OIP5: variants seen among roughly 807,000 people sequenced by gnomAD.
OIP5 encodes Opa interacting protein 5.
A neutral mutation model predicts 20.3 loss-of-function variants in OIP5; 24 were observed. That is an observed-to-expected ratio of 1.18 (90% confidence interval 0.86 to 1.66). OIP5 has a LOEUF of 1.66. Ranked by LOEUF, OIP5 falls within the 40% of genes most tolerant of loss-of-function variation. The pLI is 0.00. For missense variants in OIP5, 339 were observed against 289.5 expected (o/e 1.17, Z -1.24); for synonymous variants, 143 against 121.3 (o/e 1.18, Z -1.17).
Position 41,332,433 on chromosome 15 carries a change from C to T in OIP5, c.129G>A (p.Val43=). 3 of 1,614,106 alleles carry T rather than the reference C, an allele frequency of 1.9e-6. No individual in the cohort carries two copies. Among genetic ancestry groups the T allele is most frequent in the Non-Finnish European group, 2.5e-6 (3 of 1,179,944 alleles). ...FTTSMEWDTQ[V]VKGSSPLGPA... is the part of the protein sequence containing the mutation. ...GGCCGAGCGGCGAGGACCCCTTCAC[C>T]ACCTGCGTATCCCACTCCATGGAGG... Residue 43 remains valine (V), a synonymous_variant, in exon 1 of 5, where the codon GTG becomes GTA. Transcript: ENST00000220514.
rs1415988732 is a variant in OIP5 at position 41,332,220 on chromosome 15, G to C, written c.322+20C>G. ...TCTCGGGCTAGCCTCTGCCTTTCCC[G>C]AACGCTTCACTGCACTCACTGGAGA... On this transcript the variant is annotated intron_variant, in intron 1 of 4. Coordinates refer to ENST00000220514, the MANE Select transcript of OIP5 (RefSeq NM_007280.2). 1.3e-6 allele frequency: 2 copies of C among 1,528,258 alleles called. No individual in the cohort carries two copies. The highest frequency in any genetic ancestry group is 2.3e-5 in the East Asian group (1 of 44,194). 94.7% of individuals were successfully genotyped at this position (1,528,258 alleles called of 1,614,324 possible).
At chr15:41,332,120 T>C (rs963626513) in intron 1 of OIP5, 120 bp downstream of exon 1, 12 of 1,359,656 alleles carry the variant, frequency 8.8e-6, no homozygotes, top group Admixed American at 6.0e-5. Flanking sequence ...CAAGGAGTTA[T>C]TTGCTTCCAA....
intron 4 of OIP5, among the ~76,000 whole-genome samples, chr15:41,311,670 C>T (rs1470053246): frequency 3.3e-5 from 5 of 152,026 alleles, no homozygotes; most frequent in Non-Finnish European, 5.9e-5. Context: ...CAGGTCCAAG[C>T]GATTCTCCTG....
chr15:41,327,767 T>A lies in OIP5; in HGVS notation c.389+4148A>T, dbSNP rs529394649. Among the ~76,000 whole-genome samples the A allele has an allele frequency of 2.0e-5, 3 of 151,736 alleles. No individual in the cohort carries two copies. In the South Asian group the frequency reaches 6.2e-4, roughly 31 times the overall value. On this transcript the variant is annotated intron_variant, in intron 2 of 4. Coordinates refer to ENST00000220514, the MANE Select transcript of OIP5 (RefSeq NM_007280.2). Reference sequence around the variant, plus strand: ...CCTGCCACTGCACTTCAGCCTGGGCTACAGAGCAAGACTCCATCTCAAAAA... The same window carrying A: ...CCTGCCACTGCACTTCAGCCTGGGCAACAGAGCAAGACTCCATCTCAAAAA...
At chr15:41,311,119 G>A (rs2140457319) in intron 4 of OIP5, among the ~76,000 whole-genome samples, 1 of 152,280 alleles carries the variant, frequency 6.6e-6, no homozygotes, top group East Asian at 1.9e-4. Flanking sequence ...TGTAATCCCA[G>A]CAGTTTGGTA....
intron 2 of OIP5, among the ~76,000 whole-genome samples, chr15:41,331,496 G>A (rs2047912151): frequency 6.6e-6 from 1 of 152,190 alleles, no homozygotes; most frequent in African/African-American, 2.4e-5. Flanking sequence ...AGGTTGGGAG[G>A]ATAGCTTGAG....
chr15:41,329,825 C>A (rs1366082144), intron 2 of OIP5, among the ~76,000 whole-genome samples: 2 of 151,868 alleles, frequency 1.3e-5, no homozygotes, highest in Non-Finnish European at 2.9e-5. Flanking sequence ...CTCAGTCTCC[C>A]AAGTAGCTGG....
Position 41,313,688 on chromosome 15 carries a change from C to T in OIP5, c.513-334G>A, listed in dbSNP as rs28428492. Among the ~76,000 whole-genome samples the T allele has an allele frequency of 1.7e-3, 265 of 152,072 alleles. 2 individuals are homozygous for T. Among genetic ancestry groups the T allele is most frequent in the African/African-American group, 5.9e-3 (246 of 41,472 alleles). On this transcript the variant is annotated intron_variant, in intron 3 of 4. Transcript: ENST00000220514. ...TGTAATGTACATAGCATTTACATTA[C>T]GTTAGCTGTCATAAGTAATCTGGAG...
chr15:41,315,151 G>A lies in OIP5; in HGVS notation c.513-1797C>T, dbSNP rs985076086. 9.9e-5 allele frequency among the ~76,000 whole-genome samples: 15 copies of A among 151,482 alleles called. No homozygotes were observed. The East Asian group carries it at 2.5e-3, about 26-fold the overall frequency. ...AAAGATTAAGAAAATTTATGCTGGCGGGGCGCAGTGGCTTATGCGTGTAAT... is the reference window on the plus strand; with the variant it reads ...AAAGATTAAGAAAATTTATGCTGGCAGGGCGCAGTGGCTTATGCGTGTAAT... On this transcript the variant is annotated intron_variant, in intron 3 of 4. Transcript: ENST00000220514.
chr15:41,313,812 G>A (rs905548113), intron 3 of OIP5, among the ~76,000 whole-genome samples: 1 of 152,034 alleles, frequency 6.6e-6, no homozygotes, highest in Admixed American at 6.6e-5. Context: ...AGAAACTTGA[G>A]TGTCCATGGA....
At chr15:41,325,279 C>T (rs888429038) in intron 2 of OIP5, among the ~76,000 whole-genome samples, 4 of 151,882 alleles carry the variant, frequency 2.6e-5, no homozygotes, top group East Asian at 1.9e-4. Flanking sequence ...GTGGCGGGCC[C>T]CTGTAAGTCC....
Position 41,331,881 on chromosome 15 carries a change from GGGACTAGAGACCAA to G in OIP5, c.389+20_389+33del, listed in dbSNP as rs1567030026. The G allele has an allele frequency of 6.4e-7, 1 of 1,568,382 alleles. No homozygotes were observed. Among genetic ancestry groups the G allele is most frequent in the Non-Finnish European group, 8.8e-7 (1 of 1,138,452 alleles). On this transcript the variant is annotated intron_variant, in intron 2 of 4. Coordinates refer to ENST00000220514, the MANE Select transcript of OIP5 (RefSeq NM_007280.2). The stretch of plus-strand genomic sequence containing the variant: ...CACGATCCTCAGTCTCATAAAGTCA[GGGACTAGAGACCAA>G]TGTAATTATCAATACGTACCTGCCT...
intron 3 of OIP5, among the ~76,000 whole-genome samples, chr15:41,319,428 G>A (rs562601556): frequency 1.6e-4 from 24 of 151,794 alleles, no homozygotes; most frequent in African/African-American, 5.8e-4. Context: ...GCTAATTTTT[G>A]TATTTTTCGT....
At chr15:41,324,532 C>G (rs1392149954) in intron 2 of OIP5, among the ~76,000 whole-genome samples, 1 of 152,030 alleles carries the variant, frequency 6.6e-6, no homozygotes, top group Non-Finnish European at 1.5e-5. Context: ...TCTTGTTGCC[C>G]AAGGTGGAGT....
intron 1 of OIP5, 56 bp downstream of exon 1, chr15:41,332,184 C>A (rs1342924167): frequency 6.6e-7 from 1 of 1,506,888 alleles, no homozygotes; most frequent in Non-Finnish European, 8.9e-7. Context: ...GTGGAGAAAG[C>A]GGGAACACCC....
intron 2 of OIP5, among the ~76,000 whole-genome samples, chr15:41,321,094 C>A (rs1472148601): frequency 4.7e-5 from 5 of 105,624 alleles, no homozygotes; most frequent in African/African-American, 1.3e-4. Flanking sequence ...CCGGCAGCCA[C>A]CCCATCTGGG....
chr15:41,323,847 T>C (rs776054787), intron 2 of OIP5, among the ~76,000 whole-genome samples: 2 of 152,178 alleles, frequency 1.3e-5, no homozygotes, highest in African/African-American at 2.4e-5. Flanking sequence ...CAGAAGGCTG[T>C]TTCATCTGCA....
intron 3 of OIP5, among the ~76,000 whole-genome samples, chr15:41,315,524 A>G (rs1039025599): frequency 6.6e-6 from 1 of 152,072 alleles, no homozygotes; most frequent in Non-Finnish European, 1.5e-5. Context: ...GGATGCTATC[A>G]TCAATAGATG....
chr15:41,319,288 G>A (rs891584565), intron 3 of OIP5, among the ~76,000 whole-genome samples: 2 of 151,006 alleles, frequency 1.3e-5, no homozygotes, highest in African/African-American at 4.9e-5. Context: ...CTCCCAGGCT[G>A]GAGTGCAGTG....
Sources: allele counts gnomAD v4.1 joint callset (sites outside exome capture counted in the v4.1 genomes callset), GRCh38; gene constraint gnomAD v4.1.1; transcripts MANE v1.5; gene names NCBI Gene and HGNC (gene_info 2026-07-23, HGNC 2026-07-21).